SIGLEC7: variants seen among roughly 807,000 people sequenced by gnomAD.
SIGLEC7 encodes the protein sialic acid binding Ig like lectin 7, also known as sialic acid-binding Ig-like lectin 7.
In SIGLEC7, 33 loss-of-function variants were observed where a neutral mutation model predicts 40.8. That is an observed-to-expected ratio of 0.81 (90% CI 0.61 to 1.08). The LOEUF (loss-of-function observed/expected upper bound fraction) is 1.08. SIGLEC7 is among the 50% of genes least tolerant of loss of function. SIGLEC7 has a pLI of 0.00. For missense variants in SIGLEC7, 513 were observed against 576.1 expected, an observed-to-expected ratio of 0.89 and a Z score of 1.12; for synonymous variants, 242 against 237.6, an observed-to-expected ratio of 1.02 and a Z score of -0.17.
rs746763443 is a variant in SIGLEC7, at chr19:51,142,424, C to G, written c.55C>G (p.Gln19Glu). 1.9e-6 allele frequency: 3 copies of G among 1,613,980 alleles called. No individual in the cohort carries two copies. The South Asian group carries it at 3.3e-5, about 18-fold the overall frequency. The change falls in exon 1 of 7, where the codon CAG becomes GAG. Residue 19 changes from glutamine to glutamate, a missense_variant. Physicochemically the swap from Gln to Glu is conservative, Grantham distance 29 (BLOSUM62 2). Transcript: ENST00000317643. This position sits in a 1 kb window ranked among gnomAD's most constrained non-coding sequence, Gnocchi z 5.0. ...LLWGRERVEG[Q>E]KSNRKDYSLT... Reference sequence around the variant, plus strand: ...CTGGGGGAGGGAGAGGGTGGAAGGACAGAAGAGTAACCGGAAGGATTACTC... The same window carrying G: ...CTGGGGGAGGGAGAGGGTGGAAGGAGAGAAGAGTAACCGGAAGGATTACTC...
Position 51,144,447 on chromosome 19 carries a change from G to A in SIGLEC7, c.475G>A (p.Glu159Lys). The A allele has an allele frequency of 6.2e-7, 1 of 1,613,136 alleles. No individual in the cohort carries two copies. The highest frequency in any genetic ancestry group is 8.5e-7 in the Non-Finnish European group (1 of 1,179,932). Residue 159 changes from glutamate (E) to lysine (K), a missense_variant, in exon 2 of 7, where the codon GAG (glutamate) becomes AAG (lysine). Coordinates refer to ENST00000317643, the MANE Select transcript of SIGLEC7 (RefSeq NM_014385.4). ...RPNILIPGTL[E>K]SGCFQNLTCS... ...CAACATCCTTATCCCCGGTACCCTGGAGTCTGGCTGCTTCCAGAATCTGAC... is the reference window on the plus strand; with the variant it reads ...CAACATCCTTATCCCCGGTACCCTGAAGTCTGGCTGCTTCCAGAATCTGAC...
intron 1 of SIGLEC7, 159 bp from the exon 2 acceptor site, chr19:51,144,247 G>A: frequency 9.1e-7 from 1 of 1,098,546 alleles, no homozygotes; most frequent in South Asian, 1.5e-5. Context: ...AAGGTCATGG[G>A]GGTGGCAGCG....
At chr19:51,144,332 C>G in intron 1 of SIGLEC7, 74 bp from the exon 2 acceptor site, 1 of 1,522,374 alleles carries the variant, frequency 6.6e-7, no homozygotes, top group South Asian at 1.3e-5. Flanking sequence ...AGAAGCTGAA[C>G]CAGAGCCTGA....
At position 51,145,202 on chromosome 19, in the gene SIGLEC7, A is replaced by G. The variant is rs2092099797; in HGVS notation, c.760+243A>G. Among the ~76,000 whole-genome samples the G allele has an allele frequency of 6.6e-6, 1 of 152,206 alleles. No individual in the cohort carries two copies. The highest frequency in any genetic ancestry group is 1.5e-5 in the Non-Finnish European group (1 of 68,036). On this transcript the variant is annotated intron_variant, in intron 3 of 6. Coordinates refer to ENST00000317643, the MANE Select transcript of SIGLEC7 (RefSeq NM_014385.4). The surrounding 1 kb of genome is among the most constrained non-coding windows in gnomAD (Gnocchi z 4.3). ...GCAGCCAGGACAGGGGGAAATACAT[A>G]TAGCAGGAGCAGCCTTTGGGCCTCT...
At position 51,147,253 on chromosome 19, in the gene SIGLEC7, C is replaced by T. The variant is rs2092115088; in HGVS notation, c.1157C>T (p.Pro386Leu). 3 of 1,612,804 alleles carry T rather than the reference C, an allele frequency of 1.9e-6. No individual in the cohort carries two copies. The highest frequency in any genetic ancestry group is 2.5e-6 in the Non-Finnish European group (3 of 1,179,194). ...VRSCRKKSAR[P>L]AADVGDIGMK... ...TCCTGCAGGAAGAAATCGGCAAGGC[C>T]AGCAGCGGACGTGGGAGACATAGGC... The change falls in exon 6 of 7, where the codon CCA (proline) becomes CTA (leucine). Residue 386 changes from proline (P) to leucine (L), a missense_variant. Coordinates refer to ENST00000317643, the MANE Select transcript of SIGLEC7 (RefSeq NM_014385.4).
chr19:51,152,887 A>G (rs538712040), intron 6 of SIGLEC7, 176 bp from the exon 7 acceptor site: 5 of 472,532 alleles, frequency 1.1e-5, no homozygotes, highest in Non-Finnish European at 1.9e-5. Context: ...GCAGGAAAGT[A>G]TAAATGAAGG....
intron 6 of SIGLEC7, among the ~76,000 whole-genome samples, chr19:51,149,764 T>G (rs1430032676): frequency 6.6e-6 from 1 of 152,252 alleles, no homozygotes; most frequent in Non-Finnish European, 1.5e-5. Flanking sequence ...TTAATGATTT[T>G]GATTCTTTTT....
At position 51,145,703 on chromosome 19, in the gene SIGLEC7, C is replaced by A; in HGVS notation, c.761-152C>A. 1 of 846,094 alleles carries A rather than the reference C, an allele frequency of 1.2e-6. No individual in the cohort carries two copies. The highest frequency in any genetic ancestry group is 1.9e-6 in the Non-Finnish European group (1 of 538,966). 52.4% of individuals were successfully genotyped at this position (846,094 alleles called of 1,614,324 possible). On this transcript the variant is annotated intron_variant, in intron 3 of 6. Coordinates refer to ENST00000317643, the MANE Select transcript of SIGLEC7 (RefSeq NM_014385.4). This position sits in a 1 kb window ranked among gnomAD's most constrained non-coding sequence, Gnocchi z 4.3. ...GAAGTTGTCCTCAAATAAAGGTGGG[C>A]AAGTTTACATTCCCAACAGTGAGCG...
At chr19:51,150,394 T>C (rs2092136155) in intron 6 of SIGLEC7, among the ~76,000 whole-genome samples, 1 of 152,234 alleles carries the variant, frequency 6.6e-6, no homozygotes, top group Admixed American at 6.5e-5. Flanking sequence ...TCTGCATCTA[T>C]TGAGATAATC....
chr19:51,142,644 G>A lies in SIGLEC7; in HGVS notation c.275G>A (p.Arg92Gln), dbSNP rs148480141. ...NPAWAVQEETRDRFHLLGDPQ... is the reference protein window; with the variant it reads ...NPAWAVQEETQDRFHLLGDPQ... Reference sequence around the variant, plus strand: ...GCTTGGGCAGTGCAGGAGGAAACTCGGGACCGATTCCACCTCCTTGGGGAC... The same window carrying A: ...GCTTGGGCAGTGCAGGAGGAAACTCAGGACCGATTCCACCTCCTTGGGGAC... The change falls in exon 1 of 7, where the codon CGG (arginine) becomes CAG (glutamine). Residue 92 changes from arginine (R) to glutamine (Q), a missense_variant. Coordinates refer to ENST00000317643, the MANE Select transcript of SIGLEC7 (RefSeq NM_014385.4). The surrounding 1 kb of genome is among the most constrained non-coding windows in gnomAD (Gnocchi z 5.0). 3.5e-5 allele frequency: 57 copies of A among 1,614,144 alleles called. No homozygotes were observed. The Middle Eastern group carries it at 9.9e-4, about 28-fold the overall frequency.
Position 51,142,709 on chromosome 19 carries a change from A to G in SIGLEC7, c.340A>G (p.Arg114Gly). ...KNCTLSIRDA[R>G]MSDAGRYFFR... Reference sequence around the variant, plus strand: ...TTGCACCCTGAGCATCAGAGATGCCAGAATGAGTGATGCGGGGAGATACTT... The same window carrying G: ...TTGCACCCTGAGCATCAGAGATGCCGGAATGAGTGATGCGGGGAGATACTT... The change falls in exon 1 of 7, where the codon AGA becomes GGA. Residue 114 changes from arginine to glycine, a missense_variant. Coordinates refer to ENST00000317643, the MANE Select transcript of SIGLEC7 (RefSeq NM_014385.4). This position sits in a 1 kb window ranked among gnomAD's most constrained non-coding sequence, Gnocchi z 5.0. 6.2e-7 allele frequency: 1 copy of G among 1,614,206 alleles called. No individual in the cohort carries two copies. Among genetic ancestry groups the G allele is most frequent in the Non-Finnish European group, 8.5e-7 (1 of 1,180,036 alleles).
intron 6 of SIGLEC7, among the ~76,000 whole-genome samples, chr19:51,152,578 A>T (rs1244143189): frequency 6.6e-6 from 1 of 152,124 alleles, no homozygotes; most frequent in East Asian, 1.9e-4. Context: ...TATAATTCAC[A>T]CATAGATATT....
At position 51,153,440 on chromosome 19, in the gene SIGLEC7, G is replaced by A. The variant is rs1047860466; in HGVS notation, c.*195G>A. On this transcript the variant is annotated 3_prime_UTR_variant, in exon 7 of 7. Transcript: ENST00000317643. ...CCCATCCAATCGGTCCACACTCCCC[G>A]CCCTGGCCTCTGGTACCCACCATTC... 50 of 403,176 alleles carry A rather than the reference G, an allele frequency of 1.2e-4. No homozygotes were observed. The highest frequency in any genetic ancestry group is 7.1e-5 in the South Asian group (1 of 14,164). 25.0% of individuals were successfully genotyped at this position (403,176 alleles called of 1,614,324 possible). A position where few individuals can be genotyped will look rare whatever the true frequency, so the allele number is the denominator to read the frequency against.
Position 51,153,148 on chromosome 19 carries a change from A to C in SIGLEC7, c.1307A>C (p.Gln436Pro), listed in dbSNP as rs1018799945. The C allele has an allele frequency of 6.2e-7, 1 of 1,611,316 alleles. No individual in the cohort carries two copies. Among genetic ancestry groups the C allele is most frequent in the Non-Finnish European group, 8.5e-7 (1 of 1,178,786 alleles). Residue 436 changes from glutamine (Q) to proline (P), a missense_variant, in exon 7 of 7, where the codon CAG becomes CCG. Physicochemically the swap from Gln to Pro is moderately conservative, Grantham distance 76 (BLOSUM62 -1). Coordinates refer to ENST00000317643, the MANE Select transcript of SIGLEC7 (RefSeq NM_014385.4). ...AHSSGEEREIQYAPLSFHKGE... is the reference protein window; with the variant it reads ...AHSSGEEREIPYAPLSFHKGE... ...TCCTCAGGGGAGGAAAGAGAGATCCAGTATGCACCCCTCAGCTTTCATAAG... is the reference window on the plus strand; with the variant it reads ...TCCTCAGGGGAGGAAAGAGAGATCCCGTATGCACCCCTCAGCTTTCATAAG...
chr19:51,146,682 T>C, intron 4 of SIGLEC7, 72 bp from the exon 5 acceptor site: 1 of 1,355,588 alleles, frequency 7.4e-7, no homozygotes, highest in Non-Finnish European at 1.0e-6. Context: ...TTGGGGGCCT[T>C]ATAGGAAGTG....
intron 6 of SIGLEC7, among the ~76,000 whole-genome samples, chr19:51,149,030 A>C (rs1263546139): frequency 6.6e-6 from 1 of 152,054 alleles, no homozygotes; most frequent in Non-Finnish European, 1.5e-5. Flanking sequence ...TTCTCTTGTA[A>C]ATTTGTTTAA....
chr19:51,146,400 GAC>G (rs2092108753), intron 4 of SIGLEC7, among the ~76,000 whole-genome samples: 1 of 152,118 alleles, frequency 6.6e-6, no homozygotes, highest in South Asian at 2.1e-4. Context: ...GGACTAGGGT[GAC>G]ACAAGCAAGG....
intron 6 of SIGLEC7, among the ~76,000 whole-genome samples, chr19:51,148,655 G>T (rs939484574): frequency 6.6e-6 from 1 of 152,158 alleles, no homozygotes; most frequent in African/African-American, 2.4e-5. Context: ...ACATTTGCTT[G>T]TATGTGTCTT....
In SIGLEC7 at chr19:51,153,415, C is replaced by G. The variant is rs1404604940; in HGVS notation, c.*170C>G. On this transcript the variant is annotated 3_prime_UTR_variant, in exon 7 of 7. Transcript: ENST00000317643. Reference sequence around the variant, plus strand: ...GCCTGATGACCAAACTCTCCCTTTCCCCATCCAATCGGTCCACACTCCCCG... The same window carrying G: ...GCCTGATGACCAAACTCTCCCTTTCGCCATCCAATCGGTCCACACTCCCCG... 23 of 483,208 alleles carry G rather than the reference C, an allele frequency of 4.8e-5. No individual in the cohort carries two copies. Among genetic ancestry groups the G allele is most frequent in the Non-Finnish European group, 1.4e-5 (4 of 283,478 alleles). The allele number at this position is 483,208 out of a possible 1,614,324, so 29.9% of individuals were successfully genotyped here. A position where few individuals can be genotyped will look rare whatever the true frequency, so the allele number is the denominator to read the frequency against.
Sources: gnomAD v4.1 joint callset for allele counts (sites outside exome capture counted in the v4.1 genomes callset) on GRCh38, gnomAD v4.1.1 for gene constraint, Gnocchi (gnomAD v3.1) non-coding constraint, MANE v1.5 for transcripts, NCBI Gene and HGNC (gene_info 2026-07-23, HGNC 2026-07-21) for gene names.